MAML3: variants seen among roughly 807,000 people sequenced by gnomAD.
The protein encoded by MAML3 is mastermind-like protein 3.
A neutral mutation model predicts 101.9 loss-of-function variants in MAML3; 27 were observed. The observed-to-expected ratio is 0.27, with a 90% CI of 0.20 to 0.37. The LOEUF is 0.37. Ranked by LOEUF, MAML3 falls within the 10% of genes least tolerant of loss-of-function variation. The pLI, the probability that MAML3 is intolerant of heterozygous loss-of-function variation, is 1.00. For missense variants in MAML3, 1,316 were observed against 1,444.9 expected (o/e 0.91, Z 1.45); for synonymous variants, 501 against 555.9 (o/e 0.90, Z 1.39).
chr4:140,082,543 T>C (rs1727875417), intron 1 of MAML3, among the ~76,000 whole-genome samples: 1 of 152,112 alleles, frequency 6.6e-6, no homozygotes, highest in Admixed American at 6.5e-5. Flanking sequence ...CACAGTAGTG[T>C]CGTTACTATG....
At chr4:139,840,079 C>T (rs563756068) in intron 2 of MAML3, among the ~76,000 whole-genome samples, 15 of 152,188 alleles carry the variant, frequency 9.9e-5, no homozygotes, top group Non-Finnish European at 1.3e-4. Context: ...CTCTGTCTTC[C>T]TGTGCATGGA....
intron 2 of MAML3, chr4:139,794,398 G>C (rs1233758031): frequency 6.6e-6 from 1 of 152,188 alleles, no homozygotes; most frequent in Non-Finnish European, 1.5e-5. Context: ...CCATCAGTGG[G>C]GTGCCTGGTG....
Position 139,814,357 on chromosome 4 carries a change from T to A in MAML3, c.2079+75000A>T, listed in dbSNP as rs529778344. Among the ~76,000 whole-genome samples, 5 of 152,176 alleles carry A rather than the reference T, an allele frequency of 3.3e-5. No individual in the cohort carries two copies. In the East Asian group the frequency reaches 9.6e-4, roughly 29 times the overall value. ...TTATGCCTTACAGAACTCTGTGATCTCAAGTTATGTAACTACTAGCTGGCT... is the reference window on the plus strand; with the variant it reads ...TTATGCCTTACAGAACTCTGTGATCACAAGTTATGTAACTACTAGCTGGCT... On this transcript the variant is annotated intron_variant, in intron 2 of 4. Coordinates refer to ENST00000509479, the MANE Select transcript of MAML3 (RefSeq NM_018717.5).
intron 1 of MAML3, among the ~76,000 whole-genome samples, chr4:140,013,014 A>G (rs904357474): frequency 3.9e-5 from 6 of 152,364 alleles, no homozygotes; most frequent in African/African-American, 1.4e-4. Flanking sequence ...ATATCCAATT[A>G]TGAGTGCTTT....
intron 1 of MAML3, among the ~76,000 whole-genome samples, chr4:140,082,845 C>T (rs1051812555): frequency 6.6e-6 from 1 of 151,926 alleles, no homozygotes; most frequent in African/African-American, 2.4e-5. Flanking sequence ...TGAGCTCGTA[C>T]CAGTAGCCCT....
At chr4:139,731,300 A>G (rs1728698828) in intron 2 of MAML3, 1 of 153,582 alleles carries the variant, frequency 6.5e-6, no homozygotes, top group South Asian at 2.0e-4. Flanking sequence ...TAATATTTTT[A>G]AAAATAGAAT....
At chr4:139,899,946 C>G (rs1208798101) in intron 1 of MAML3, among the ~76,000 whole-genome samples, 1 of 152,144 alleles carries the variant, frequency 6.6e-6, no homozygotes, top group African/African-American at 2.4e-5. Flanking sequence ...TAAAAATCTC[C>G]ATTCTGAAAT....
At chr4:140,009,200 G>A (rs1726508069) in intron 1 of MAML3, among the ~76,000 whole-genome samples, 1 of 152,142 alleles carries the variant, frequency 6.6e-6, no homozygotes, top group Non-Finnish European at 1.5e-5. Context: ...TGTGCATTTT[G>A]GTCCCTAGAA....
chr4:139,918,904 C>T (rs1433000932), intron 1 of MAML3, among the ~76,000 whole-genome samples: 1 of 152,008 alleles, frequency 6.6e-6, no homozygotes, highest in African/African-American at 2.4e-5. Context: ...CTCAGGCCTG[C>T]AAGAGAAATT....
At chr4:140,064,798 T>C (rs1327049502) in intron 1 of MAML3, among the ~76,000 whole-genome samples, 1 of 152,144 alleles carries the variant, frequency 6.6e-6, no homozygotes, top group Non-Finnish European at 1.5e-5. Flanking sequence ...TCATCCCTAC[T>C]CGCCTTACCA....
At chr4:139,976,684 T>C (rs1734344033) in intron 1 of MAML3, among the ~76,000 whole-genome samples, 1 of 152,210 alleles carries the variant, frequency 6.6e-6, no homozygotes, top group African/African-American at 2.4e-5. Context: ...TTTCTGCAAA[T>C]TCAAATTTTA....
intron 1 of MAML3, among the ~76,000 whole-genome samples, chr4:139,965,096 A>T (rs1401170209): frequency 6.6e-6 from 1 of 152,224 alleles, no homozygotes; most frequent in East Asian, 1.9e-4. Context: ...GGGTAAAAGT[A>T]TTCTACAATT....
intron 1 of MAML3, among the ~76,000 whole-genome samples, chr4:139,943,930 G>T (rs1733656293): frequency 7.2e-6 from 1 of 138,422 alleles, no homozygotes; most frequent in South Asian, 2.3e-4. Context: ...GAGTGCAGCG[G>T]TGCAATCTCA....
chr4:139,997,334 T>C (rs1423408663), intron 1 of MAML3, among the ~76,000 whole-genome samples: 4 of 151,930 alleles, frequency 2.6e-5, no homozygotes, highest in Non-Finnish European at 4.4e-5. Context: ...AGTTATTTTC[T>C]TCATGGTTAC....
At position 139,725,865 on chromosome 4, in the gene MAML3, G is replaced by A. The variant is rs755439759; in HGVS notation, c.2332-30C>T. On this transcript the variant is annotated intron_variant, in intron 3 of 4. Coordinates refer to ENST00000509479, the MANE Select transcript of MAML3 (RefSeq NM_018717.5). ...AACAACAGAACACAAGAGGGGTGGAGAGGTGAGATAGGGAGCAAGCACACA... is the reference window on the plus strand; with the variant it reads ...AACAACAGAACACAAGAGGGGTGGAAAGGTGAGATAGGGAGCAAGCACACA... The A allele has an allele frequency of 1.5e-5, 23 of 1,584,578 alleles. No homozygotes were observed. The East Asian group carries it at 5.1e-4, about 35-fold the overall frequency.
At chr4:140,081,203 G>A (rs1727856608) in intron 1 of MAML3, among the ~76,000 whole-genome samples, 1 of 151,492 alleles carries the variant, frequency 6.6e-6, no homozygotes, top group South Asian at 2.1e-4. Flanking sequence ...AAGAGGTATG[G>A]GTATAAAAAA....
intron 1 of MAML3, among the ~76,000 whole-genome samples, chr4:140,041,128 A>G (rs1400792276): frequency 6.6e-6 from 1 of 152,218 alleles, no homozygotes; most frequent in East Asian, 1.9e-4. Context: ...TTGATGTCCA[A>G]TAATATGCAT....
intron 2 of MAML3, among the ~76,000 whole-genome samples, chr4:139,881,490 A>G (rs2111187950): frequency 1.3e-5 from 2 of 152,300 alleles, no homozygotes; most frequent in South Asian, 4.1e-4. Flanking sequence ...TGACCCAGTG[A>G]AATGGGCAGG....
At position 140,153,991 on chromosome 4, in the gene MAML3, T is replaced by G. The variant is rs1255328391; in HGVS notation, c.-664A>C. The G allele has an allele frequency of 6.5e-6, 1 of 154,030 alleles. No homozygotes were observed. Among genetic ancestry groups the G allele is most frequent in the Non-Finnish European group, 1.5e-5 (1 of 68,358 alleles). The allele number at this position is 154,030 out of a possible 1,614,324, so 9.5% of individuals were successfully genotyped here. A position where few individuals can be genotyped will look rare whatever the true frequency, so the allele number is the denominator to read the frequency against. ...AAACACATGGACAGTCCGAGGCGAC[T>G]GCAAAAGTAGATCGGTGAAGTCCTT... On this transcript the variant is annotated 5_prime_UTR_variant, in exon 1 of 5. Coordinates refer to ENST00000509479, the MANE Select transcript of MAML3 (RefSeq NM_018717.5).
Sources: gnomAD v4.1 joint callset for allele counts (sites outside exome capture counted in the v4.1 genomes callset) on GRCh38, gnomAD v4.1.1 for gene constraint, MANE v1.5 for transcripts, NCBI Gene and HGNC (gene_info 2026-07-23, HGNC 2026-07-21) for gene names.